Variants in SLC17A7 observed in about 807,000 individuals in gnomAD.
SLC17A7 encodes the protein solute carrier family 17 member 7.
SLC17A7 carries 15 observed loss-of-function variants against 59.1 expected under a neutral mutation model. That is an observed-to-expected ratio of 0.25 (90% CI 0.17 to 0.39). SLC17A7 has a LOEUF of 0.39. SLC17A7 is among the 10% of genes least tolerant of loss of function. The pLI is 1.00. For synonymous variants in SLC17A7, 353 were observed against 308.9 expected (o/e 1.14, Z -1.50); for missense variants, 499 against 765.1 (o/e 0.65, Z 4.10).
At position 49,431,812 on chromosome 19, in the gene SLC17A7, A is replaced by AT. The variant is rs1357305709; in HGVS notation, c.1151-365dup. 2.7e-5 allele frequency among the ~76,000 whole-genome samples: 4 copies of AT among 146,590 alleles called. No homozygotes were observed. The highest frequency in any genetic ancestry group is 4.0e-4 in the East Asian group (2 of 4,944). On this transcript the variant is annotated intron_variant, in intron 9 of 11. Transcript: ENST00000221485. This position sits in a 1 kb window ranked among gnomAD's most constrained non-coding sequence, Gnocchi z 4.6. ...TTTTTTTTTTAATTTTTGATTTTTT[A>AT]TTTTTTTTAAGAGACAAAGTCTCAC...
At chr19:49,432,740 C>A in intron 8 of SLC17A7, 71 bp downstream of exon 8, 1 of 1,600,304 alleles carries the variant, frequency 6.2e-7, no homozygotes, top group Admixed American at 1.7e-5. Flanking sequence ...CTCCTCCCTG[C>A]CTCGGGATCG....
chr19:49,432,366 G>A (rs1424313137), intron 9 of SLC17A7, among the ~76,000 whole-genome samples, 153 bp downstream of exon 9: 2 of 152,146 alleles, frequency 1.3e-5, no homozygotes, highest in Non-Finnish European at 2.9e-5. Flanking sequence ...GCCCTGCCCC[G>A]GCTCCACCCT....
Position 49,441,426 on chromosome 19 carries a change from T to TC in SLC17A7, c.-48dup. 2 of 1,411,868 alleles carry TC rather than the reference T, an allele frequency of 1.4e-6. No individual in the cohort carries two copies. Among genetic ancestry groups the TC allele is most frequent in the East Asian group, 3.3e-5 (1 of 30,400 alleles). 87.5% of individuals were successfully genotyped at this position (1,411,868 alleles called of 1,614,324 possible). On this transcript the variant is annotated 5_prime_UTR_variant, in exon 1 of 12. Transcript: ENST00000221485. ...TCACCCCGCGGGTCCCCCCCGCCGATCCCCCCGCCCGCGGGCCCGGGCGGC... is the reference window on the plus strand; with the variant it reads ...TCACCCCGCGGGTCCCCCCCGCCGATCCCCCCCGCCCGCGGGCCCGGGCGGC...
chr19:49,433,702 T>C lies in SLC17A7; in HGVS notation c.867+24A>G, dbSNP rs761270499. 6.2e-7 allele frequency: 1 copy of C among 1,613,952 alleles called. No homozygotes were observed. Among genetic ancestry groups the C allele is most frequent in the Non-Finnish European group, 8.5e-7 (1 of 1,179,912 alleles). ...GTGGCTTGCTATCTCTCCCCGCCCC[T>C]TCCCCGAAGATTTGGTCCCGGACCG... On this transcript the variant is annotated intron_variant, in intron 7 of 11. Transcript: ENST00000221485. The surrounding 1 kb of genome is among the most constrained non-coding windows in gnomAD (Gnocchi z 5.7).
chr19:49,439,499 C>T (rs908495203), intron 1 of SLC17A7, among the ~76,000 whole-genome samples: 6 of 152,190 alleles, frequency 3.9e-5, no homozygotes, highest in African/African-American at 1.4e-4. Flanking sequence ...TGGCATCACT[C>T]TTCTCAAGGA....
intron 11 of SLC17A7, 56 bp from the exon 12 acceptor site, chr19:49,430,868 G>A (rs1177276406): frequency 1.3e-6 from 2 of 1,564,870 alleles, no homozygotes; most frequent in South Asian, 1.2e-5. Context: ...CAGAGGCGGA[G>A]AGAGGGGGAG....
At chr19:49,435,876 CA>C (rs2078977842) in intron 2 of SLC17A7, 1 of 153,902 alleles carries the variant, frequency 6.5e-6, no homozygotes, top group African/African-American at 2.4e-5. Context: ...GCCTGGGCAA[CA>C]TAGTGAGACC....
At position 49,431,168 on chromosome 19, in the gene SLC17A7, G is replaced by A. The variant is rs747612607; in HGVS notation, c.1262-26C>T. On this transcript the variant is annotated intron_variant, in intron 10 of 11. Coordinates refer to ENST00000221485, the MANE Select transcript of SLC17A7 (RefSeq NM_020309.4). The surrounding 1 kb of genome is among the most constrained non-coding windows in gnomAD (Gnocchi z 4.6). ...CTGGCGGAGAGACAAGTCGGAAGGC[G>A]TCACACCGGAATCTCACTCGAGTGA... The A allele has an allele frequency of 1.2e-6, 2 of 1,605,572 alleles. No homozygotes were observed. The highest frequency in any genetic ancestry group is 1.1e-5 in the South Asian group (1 of 90,432).
intron 5 of SLC17A7, 63 bp from the exon 6 acceptor site, chr19:49,434,109 C>G: frequency 9.3e-7 from 1 of 1,072,240 alleles, no homozygotes; most frequent in Non-Finnish European, 1.4e-6. Flanking sequence ...GAGTGCGGAC[C>G]CCCACCGCTT....
chr19:49,439,437 C>G (rs887190228), intron 1 of SLC17A7, among the ~76,000 whole-genome samples: 1 of 152,168 alleles, frequency 6.6e-6, no homozygotes, highest in Non-Finnish European at 1.5e-5. Flanking sequence ...TCCCATTCCC[C>G]CATGTCCTTG....
chr19:49,429,715 A>G lies in SLC17A7; in HGVS notation c.*804T>C. ...GAGGAATTGGGGAGGGGGCATCATGAAACCACCATGGGGGAGTTCAATGGT... is the reference window on the plus strand; with the variant it reads ...GAGGAATTGGGGAGGGGGCATCATGGAACCACCATGGGGGAGTTCAATGGT... On this transcript the variant is annotated 3_prime_UTR_variant, in exon 12 of 12. Transcript: ENST00000221485. 1 of 396,796 alleles carries G rather than the reference A, an allele frequency of 2.5e-6. No homozygotes were observed. Among genetic ancestry groups the G allele is most frequent in the Non-Finnish European group, 4.4e-6 (1 of 225,234 alleles). The allele number at this position is 396,796 out of a possible 1,614,324, so 24.6% of individuals were successfully genotyped here.
In SLC17A7 at chr19:49,433,226, C is replaced by CTTTATCTT; in HGVS notation, c.868-267_868-266insAAGATAAA. The CTTTATCTT allele has an allele frequency of 2.0e-6, 1 of 509,722 alleles. No homozygotes were observed. The highest frequency in any genetic ancestry group is 3.4e-6 in the Non-Finnish European group (1 of 290,260). The allele number at this position is 509,722 out of a possible 1,614,324, so 31.6% of individuals were successfully genotyped here. A position where few individuals can be genotyped will look rare whatever the true frequency, so the allele number is the denominator to read the frequency against. ...GTGTCCGGGCCCCTCAGGGACCTGT[C>CTTTATCTT]TTTTTCTTTTTTTCTTTTTATTTTT... On this transcript the variant is annotated intron_variant, in intron 7 of 11. Coordinates refer to ENST00000221485, the MANE Select transcript of SLC17A7 (RefSeq NM_020309.4). The surrounding 1 kb of genome is among the most constrained non-coding windows in gnomAD (Gnocchi z 5.7).
chr19:49,431,047 G>A lies in SLC17A7; in HGVS notation c.1357C>T (p.Pro453Ser). The A allele has an allele frequency of 1.2e-6, 2 of 1,613,250 alleles. No individual in the cohort carries two copies. Among genetic ancestry groups the A allele is most frequent in the Middle Eastern group, 1.7e-4 (1 of 6,060 alleles). Reference sequence around the variant, plus strand: ...TTAGTCATGGCCCCCACGATGATGGGGCACACCATGCCCGACAGTGTGCCC... The same window carrying A: ...TTAGTCATGGCCCCCACGATGATGGAGCACACCATGCCCGACAGTGTGCCC... ...GVGTLSGMVCPIIVGAMTKHK... is the reference protein window; with the variant it reads ...GVGTLSGMVCSIIVGAMTKHK... The change falls in exon 11 of 12, where the codon CCC becomes TCC. Residue 453 changes from proline to serine, a missense_variant. By Grantham distance (74) the Pro-to-Ser change is moderately conservative (BLOSUM62 -1). Coordinates refer to ENST00000221485, the MANE Select transcript of SLC17A7 (RefSeq NM_020309.4). This position sits in a 1 kb window ranked among gnomAD's most constrained non-coding sequence, Gnocchi z 4.6.
At chr19:49,437,126 C>G (rs1374731556) in intron 1 of SLC17A7, 2 of 430,484 alleles carry the variant, frequency 4.6e-6, no homozygotes, top group Admixed American at 7.5e-5. Context: ...AGCCTGTGCC[C>G]CCACTCCGAG....
Position 49,432,523 on chromosome 19 carries a change from G to A in SLC17A7, c.1146C>T (p.Cys382=). Residue 382 remains cysteine, a synonymous_variant, in exon 9 of 12, where the codon TGC becomes TGT. Transcript: ENST00000221485. ...STTNVRKLMN[C]GGFGMEATLL... is the part of the protein sequence containing the mutation. ...CCCAGGCCCCGCCCCACTCACCTCCGCAGTTCATCAACTTGCGCACGTTGG... is the reference window on the plus strand; with the variant it reads ...CCCAGGCCCCGCCCCACTCACCTCCACAGTTCATCAACTTGCGCACGTTGG... The A allele has an allele frequency of 1.2e-6, 2 of 1,612,884 alleles. No homozygotes were observed. The highest frequency in any genetic ancestry group is 1.1e-5 in the South Asian group (1 of 90,814).
At chr19:49,438,717 A>G (rs1280278008) in intron 1 of SLC17A7, among the ~76,000 whole-genome samples, 1 of 151,892 alleles carries the variant, frequency 6.6e-6, no homozygotes, top group Non-Finnish European at 1.5e-5. Flanking sequence ...GATGGCAGTA[A>G]CTCCCCCCAC....
rs374556950 is a variant in SLC17A7 at position 49,431,785 on chromosome 19, T to G, written c.1151-337A>C. On this transcript the variant is annotated intron_variant, in intron 9 of 11. Transcript: ENST00000221485. This position sits in a 1 kb window ranked among gnomAD's most constrained non-coding sequence, Gnocchi z 4.6. ...AATCCCCACTCATGAGTTTTTGGTT[T>G]TTTTTTTTTTTAATTTTTGATTTTT... 0.017 allele frequency among the ~76,000 whole-genome samples: 233 copies of G among 14,102 alleles called. No individual in the cohort carries two copies. The highest frequency in any genetic ancestry group is 0.035 in the African/African-American group (112 of 3,240). 9.3% of individuals were successfully genotyped at this position (14,102 alleles called of 152,430 possible).
At chr19:49,432,713 G>T (rs1193272155) in intron 8 of SLC17A7, 62 bp from the exon 9 acceptor site, 11 of 1,604,764 alleles carry the variant, frequency 6.9e-6, no homozygotes, top group Admixed American at 5.0e-5. Flanking sequence ...GTCTCTGCCC[G>T]GTCCGTGCAC....
At position 49,429,693 on chromosome 19, in the gene SLC17A7, G is replaced by T; in HGVS notation, c.*826C>A. ...ACCACCCAGGAGAATAAAGTGCGAG[G>T]AATTGGGGAGGGGGCATCATGAAAC... On this transcript the variant is annotated 3_prime_UTR_variant, in exon 12 of 12. Transcript: ENST00000221485. 2.5e-6 allele frequency: 1 copy of T among 397,208 alleles called. No individual in the cohort carries two copies. Among genetic ancestry groups the T allele is most frequent in the East Asian group, 3.6e-5 (1 of 28,030 alleles). 24.6% of individuals were successfully genotyped at this position (397,208 alleles called of 1,614,324 possible). A position where few individuals can be genotyped will look rare whatever the true frequency, so the allele number is the denominator to read the frequency against.
Sources: gnomAD v4.1 joint callset for allele counts (sites outside exome capture counted in the v4.1 genomes callset) on GRCh38, gnomAD v4.1.1 for gene constraint, Gnocchi (gnomAD v3.1) non-coding constraint, MANE v1.5 for transcripts, NCBI Gene and HGNC (gene_info 2026-07-23, HGNC 2026-07-21) for gene names.